MIS18A: variants seen among roughly 807,000 people sequenced by gnomAD.
MIS18A encodes MIS18 kinetochore protein A, also known as protein Mis18-alpha.
A neutral mutation model predicts 25.0 loss-of-function variants in MIS18A; 14 were observed. That is an observed-to-expected ratio of 0.56 (90% CI 0.37 to 0.88). MIS18A has a LOEUF of 0.88. MIS18A is among the 40% of genes least tolerant of loss of function. MIS18A has a pLI of 0.00. For missense variants in MIS18A, 292 were observed against 290.8 expected, an observed-to-expected ratio of 1.00 and a Z score of -0.03; for synonymous variants, 134 against 118.6, an observed-to-expected ratio of 1.13 and a Z score of -0.84.
At chr21:32,274,701 C>T (rs991412362) in intron 2 of MIS18A, 129 bp downstream of exon 2, 49 of 716,412 alleles carry the variant, frequency 6.8e-5, no homozygotes, top group Non-Finnish European at 1.0e-4. Flanking sequence ...CTGATATATG[C>T]GAACGACTGA....
the MIS18A span, among the ~76,000 whole-genome samples, chr21:32,212,791 G>A: frequency 6.6e-6 from 1 of 151,884 alleles, no homozygotes; most frequent in African/African-American, 2.4e-5. Flanking sequence ...GAGAGTTGAC[G>A]GTTTTATAAG....
At chr21:32,202,786 C>A in the MIS18A span, among the ~76,000 whole-genome samples, 3 of 152,176 alleles carry the variant, frequency 2.0e-5, no homozygotes, top group Admixed American at 6.5e-5. Flanking sequence ...GGTTCACCCA[C>A]GTTGTAGCAT....
At position 32,269,059 on chromosome 21, in the gene MIS18A, G is replaced by A; in HGVS notation, c.680C>T (p.Ser227Phe). The change falls in exon 5 of 5, where the codon TCC becomes TTC. Residue 227 changes from serine to phenylalanine, a missense_variant. By Grantham distance (155) the Ser-to-Phe change is radical (BLOSUM62 -2). Transcript: ENST00000290130. ...MKLWEAESKL[S>F]FATCKS is the part of the protein sequence containing the mutation. ...AGTTCAGCTTTTACAAGTGGCAAAG[G>A]ACAATTTGGATTCGGCCTCCCACAG... 1 of 1,604,858 alleles carries A rather than the reference G, an allele frequency of 6.2e-7. No individual in the cohort carries two copies. Among genetic ancestry groups the A allele is most frequent in the Non-Finnish European group, 8.5e-7 (1 of 1,174,332 alleles).
chr21:32,243,140 T>C, the MIS18A span, among the ~76,000 whole-genome samples: 1 of 152,168 alleles, frequency 6.6e-6, no homozygotes, highest in African/African-American at 2.4e-5. Context: ...ATGAAAAACG[T>C]TAAACGTTTT....
At chr21:32,233,432 T>C in the MIS18A span, among the ~76,000 whole-genome samples, 165 of 152,212 alleles carry the variant, frequency 1.1e-3, no homozygotes, top group African/African-American at 3.8e-3. Context: ...GGAAAAAAAA[T>C]TGCTATGTGC....
At chr21:32,156,247 T>C in the MIS18A span, among the ~76,000 whole-genome samples, 1 of 152,236 alleles carries the variant, frequency 6.6e-6, no homozygotes. Flanking sequence ...TCTCTGCTTA[T>C]TAGGTAGCAA....
chr21:32,251,873 A>G, the MIS18A span, among the ~76,000 whole-genome samples: 4 of 152,146 alleles, frequency 2.6e-5, no homozygotes, highest in Admixed American at 6.5e-5. Flanking sequence ...TGTCTCTCAT[A>G]TTGATCAGAT....
chr21:32,190,404 A>G, the MIS18A span, among the ~76,000 whole-genome samples: 1 of 152,202 alleles, frequency 6.6e-6, no homozygotes, highest in Non-Finnish European at 1.5e-5. Context: ...GAGAATTGGT[A>G]GTGAGCATTC....
the MIS18A span, among the ~76,000 whole-genome samples, chr21:32,170,905 T>C: frequency 1.2e-4 from 18 of 152,092 alleles, no homozygotes; most frequent in African/African-American, 3.9e-4. Flanking sequence ...TCTCAATAGA[T>C]ACAGAAAAAG....
the MIS18A span, among the ~76,000 whole-genome samples, chr21:32,162,484 T>C: frequency 6.6e-6 from 1 of 152,216 alleles, no homozygotes; most frequent in East Asian, 1.9e-4. Flanking sequence ...AACTCCCAAC[T>C]CTATGAAACA....
chr21:32,212,938 T>C, the MIS18A span, among the ~76,000 whole-genome samples: 4 of 152,336 alleles, frequency 2.6e-5, no homozygotes, highest in African/African-American at 9.6e-5. Context: ...CTTTCCTTTA[T>C]AAATTACCCA....
the MIS18A span, among the ~76,000 whole-genome samples, chr21:32,173,955 G>GTTTTT: frequency 6.5e-5 from 6 of 92,588 alleles, no homozygotes; most frequent in African/African-American, 8.6e-5. Context: ...TACTTTTTAA[G>GTTTTT]TTTTTTTTTT....
chr21:32,174,539 C>T, the MIS18A span, among the ~76,000 whole-genome samples: 1 of 152,118 alleles, frequency 6.6e-6, no homozygotes, highest in African/African-American at 2.4e-5. Flanking sequence ...AAAAGATGAA[C>T]ATTTCTCAAT....
At chr21:32,234,255 T>C in the MIS18A span, among the ~76,000 whole-genome samples, 1 of 152,190 alleles carries the variant, frequency 6.6e-6, no homozygotes, top group Admixed American at 6.5e-5. Context: ...CCAGAGGTGG[T>C]TGGAGCGGAG....
downstream of MIS18A, among the ~76,000 whole-genome samples, chr21:32,265,865 G>C (rs1411761284): frequency 6.6e-6 from 1 of 152,218 alleles, no homozygotes; most frequent in Non-Finnish European, 1.5e-5. Flanking sequence ...TCAGCACCCT[G>C]TGTTTAGCTC....
the MIS18A span, among the ~76,000 whole-genome samples, chr21:32,221,075 G>C: frequency 6.6e-6 from 1 of 152,136 alleles, no homozygotes; most frequent in African/African-American, 2.4e-5. Context: ...TTATCCAAGA[G>C]AACTTCCCCG....
chr21:32,163,771 A>C, the MIS18A span, among the ~76,000 whole-genome samples: 1 of 152,196 alleles, frequency 6.6e-6, no homozygotes, highest in African/African-American at 2.4e-5. Context: ...CAGATCAAAA[A>C]AAGATTTCTG....
At chr21:32,165,390 T>C in the MIS18A span, among the ~76,000 whole-genome samples, 6,871 of 149,712 alleles carry the variant, frequency 0.046, 478 homozygotes, top group African/African-American at 0.15. Flanking sequence ...CTCAATGTCA[T>C]GAGTACTAAA....
the MIS18A span, among the ~76,000 whole-genome samples, chr21:32,193,511 GATA>G: frequency 9.2e-6 from 1 of 109,052 alleles, no homozygotes; most frequent in South Asian, 2.7e-4. Context: ...TAGATAGATA[GATA>G]GATAGATGGA....
Sources: gnomAD v4.1 joint callset for allele counts (sites outside exome capture counted in the v4.1 genomes callset) on GRCh38, gnomAD v4.1.1 for gene constraint, MANE v1.5 for transcripts, NCBI Gene and HGNC (gene_info 2026-07-23, HGNC 2026-07-21) for gene names.